Variants in PHACTR3 observed in about 807,000 individuals in gnomAD.
The protein encoded by PHACTR3 is phosphatase and actin regulator 3.
In PHACTR3, 16 loss-of-function variants were observed where a neutral mutation model predicts 66.8. That is an observed-to-expected ratio of 0.24 (90% confidence interval 0.16 to 0.36). The LOEUF is 0.36. Ranked by LOEUF, PHACTR3 falls within the 10% of genes least tolerant of loss-of-function variation. The probability of loss-of-function intolerance (pLI) is 1.00; values close to 1 mark genes in which losing one functional copy is unlikely to be tolerated. For synonymous variants in PHACTR3, 323 were observed against 292.1 expected (o/e 1.11, Z -1.08); for missense variants, 647 against 719.9 (o/e 0.90, Z 1.16).
intron 9 of PHACTR3, among the ~76,000 whole-genome samples, chr20:59,838,253 G>T (rs1185042317): frequency 1.3e-5 from 2 of 152,078 alleles, no homozygotes; most frequent in African/African-American, 4.8e-5. Context: ...TGAGAATAGG[G>T]TAACTATATA....
At chr20:59,645,553 C>T (rs973236033) in intron 1 of PHACTR3, among the ~76,000 whole-genome samples, 2 of 152,136 alleles carry the variant, frequency 1.3e-5, no homozygotes, top group African/African-American at 4.8e-5. Context: ...CTCTCCTCGT[C>T]CTGCTTGATT....
At chr20:59,837,397 A>AG (rs1224882203) in intron 9 of PHACTR3, among the ~76,000 whole-genome samples, 1 of 152,216 alleles carries the variant, frequency 6.6e-6, no homozygotes, top group African/African-American at 2.4e-5. Flanking sequence ...ACTTTCTGTC[A>AG]GAAAATACCG....
At chr20:59,767,923 T>G (rs1336891111) in intron 5 of PHACTR3, among the ~76,000 whole-genome samples, 1 of 152,112 alleles carries the variant, frequency 6.6e-6, no homozygotes, top group Non-Finnish European at 1.5e-5. Flanking sequence ...TTTCTCTTTG[T>G]GCTTCTCTCT....
chr20:59,771,960 C>G (rs1227243268), intron 5 of PHACTR3, among the ~76,000 whole-genome samples: 1 of 152,190 alleles, frequency 6.6e-6, no homozygotes, highest in Non-Finnish European at 1.5e-5. Context: ...TGCACCAGTC[C>G]TGCCAGGACG....
intron 8 of PHACTR3, among the ~76,000 whole-genome samples, chr20:59,823,998 C>G (rs996686123): frequency 6.6e-6 from 1 of 152,228 alleles, no homozygotes; most frequent in South Asian, 2.1e-4. Context: ...AGGGAGGCCA[C>G]GAAGTCAGCA....
intron 4 of PHACTR3, among the ~76,000 whole-genome samples, chr20:59,758,536 T>G (rs1023554099): frequency 1.4e-4 from 22 of 152,318 alleles, no homozygotes; most frequent in African/African-American, 5.3e-4. Context: ...TAGCAGTTAG[T>G]GACATTTGTC....
At chr20:59,720,865 A>G (rs1192334459) in intron 1 of PHACTR3, among the ~76,000 whole-genome samples, 1 of 152,202 alleles carries the variant, frequency 6.6e-6, no homozygotes, top group African/African-American at 2.4e-5. Context: ...GACTTGATAA[A>G]AAATGTTTGC....
At chr20:59,637,772 G>C (rs776094818) in intron 1 of PHACTR3, among the ~76,000 whole-genome samples, 1 of 151,916 alleles carries the variant, frequency 6.6e-6, no homozygotes, top group Non-Finnish European at 1.5e-5. Flanking sequence ...CCCTATTGTG[G>C]TTGATGTGGC....
intron 1 of PHACTR3, among the ~76,000 whole-genome samples, chr20:59,625,855 C>T (rs912591354): frequency 1.5e-4 from 23 of 152,120 alleles, no homozygotes; most frequent in South Asian, 6.2e-4. Flanking sequence ...CTTCTCTGTT[C>T]GTTTCTGGCT....
chr20:59,809,629 T>C (rs1450538706), intron 8 of PHACTR3, among the ~76,000 whole-genome samples: 1 of 152,208 alleles, frequency 6.6e-6, no homozygotes, highest in Admixed American at 6.5e-5. Flanking sequence ...AATACTTTTC[T>C]TTGAGGCACA....
chr20:59,840,373 G>A lies in PHACTR3; in HGVS notation c.1389G>A (p.Arg463=). Residue 463 remains arginine (R), a synonymous_variant, in exon 10 of 13, where the codon AGG becomes AGA. Coordinates refer to ENST00000371015, the MANE Select transcript of PHACTR3 (RefSeq NM_080672.5). ...ELERRNILKQ[R]NDQTEQEERR... ...TCCTATTTTAATCTTTCACAGAAAGGAATGATCAGACAGAGCAGGAAGAAA... is the reference window on the plus strand; with the variant it reads ...TCCTATTTTAATCTTTCACAGAAAGAAATGATCAGACAGAGCAGGAAGAAA... The A allele has an allele frequency of 1.2e-6, 2 of 1,610,120 alleles. No homozygotes were observed. The highest frequency in any genetic ancestry group is 1.7e-6 in the Non-Finnish European group (2 of 1,178,240).
intron 1 of PHACTR3, among the ~76,000 whole-genome samples, chr20:59,630,623 T>A (rs950855564): frequency 6.6e-6 from 1 of 152,320 alleles, no homozygotes; most frequent in Admixed American, 6.5e-5. Context: ...AGTGGTGACG[T>A]GTGAGTGAAG....
At chr20:59,577,651 G>A (rs2032751005) in intron 1 of PHACTR3, 2 of 1,187,922 alleles carry the variant, frequency 1.7e-6, no homozygotes, top group Non-Finnish European at 2.1e-6. Flanking sequence ...GACGCGGGAC[G>A]TGGGGCCCGG....
chr20:59,724,728 C>T (rs1362460798), intron 1 of PHACTR3, among the ~76,000 whole-genome samples: 2 of 152,198 alleles, frequency 1.3e-5, no homozygotes, highest in Non-Finnish European at 2.9e-5. Flanking sequence ...GAAGTTTCTC[C>T]AGTTCCAGTA....
At chr20:59,582,735 C>G (rs6128633) in intron 1 of PHACTR3, among the ~76,000 whole-genome samples, 74,719 of 151,884 alleles carry the variant, frequency 0.49, 19,061 homozygotes, top group African/African-American at 0.62. Flanking sequence ...TCTTCATTTA[C>G]TTTTTGCCCT....
At chr20:59,721,745 T>A (rs2038310050) in intron 1 of PHACTR3, among the ~76,000 whole-genome samples, 1 of 152,090 alleles carries the variant, frequency 6.6e-6, no homozygotes, top group African/African-American at 2.4e-5. Context: ...GGGCTTCCCA[T>A]CCTGAGGGCG....
intron 9 of PHACTR3, among the ~76,000 whole-genome samples, chr20:59,839,187 GTC>G (rs778788395): frequency 6.6e-6 from 1 of 152,094 alleles, no homozygotes; most frequent in Non-Finnish European, 1.5e-5. Context: ...CTTTCACAAT[GTC>G]TCTCTAATTG....
chr20:59,743,372 G>T, intron 2 of PHACTR3, 104 bp downstream of exon 2: 3 of 1,397,000 alleles, frequency 2.1e-6, no homozygotes, highest in Non-Finnish European at 2.9e-6. Flanking sequence ...CCCTACACAG[G>T]AGGGGCAGAT....
chr20:59,743,944 C>G (rs552238422), intron 2 of PHACTR3, among the ~76,000 whole-genome samples: 1 of 152,342 alleles, frequency 6.6e-6, no homozygotes, highest in East Asian at 1.9e-4. Flanking sequence ...ACCCTGCCAG[C>G]CCTGGCTCTG....
Sources: gnomAD v4.1 joint callset for allele counts (sites outside exome capture counted in the v4.1 genomes callset) on GRCh38, gnomAD v4.1.1 for gene constraint, MANE v1.5 for transcripts, NCBI Gene and HGNC (gene_info 2026-07-23, HGNC 2026-07-21) for gene names.